Variants in KCND2 observed in about 807,000 individuals in gnomAD.
KCND2 encodes the protein A-type voltage-gated potassium channel KCND2.
KCND2 carries 16 observed loss-of-function variants against 54.4 expected under a neutral mutation model. The ratio of observed to expected loss-of-function variants is 0.29; its 90% CI spans 0.20 to 0.45. The LOEUF is 0.45. Among genes scored for constraint, KCND2 ranks in the 20% least tolerant of loss-of-function variants. KCND2 has a pLI of 1.00. For synonymous variants in KCND2, 317 were observed against 310.7 expected, an observed-to-expected ratio of 1.02 and a Z score of -0.21; for missense variants, 486 against 824.2, an observed-to-expected ratio of 0.59 and a Z score of 5.02.
intron 1 of KCND2, among the ~76,000 whole-genome samples, chr7:120,639,967 C>T (rs1793351261): frequency 1.3e-5 from 2 of 152,052 alleles, no homozygotes; most frequent in Admixed American, 1.3e-4. Context: ...GTTTCTATAA[C>T]TCTCATAAAT....
At chr7:120,319,695 A>G (rs1440052119) in intron 1 of KCND2, among the ~76,000 whole-genome samples, 5 of 152,156 alleles carry the variant, frequency 3.3e-5, no homozygotes, top group Admixed American at 3.3e-4. Flanking sequence ...AATATTGTTA[A>G]GATAATTAGA....
At chr7:120,673,154 G>A (rs1474687909) in intron 1 of KCND2, among the ~76,000 whole-genome samples, 1 of 152,016 alleles carries the variant, frequency 6.6e-6, no homozygotes, top group Non-Finnish European at 1.5e-5. Flanking sequence ...AACCAAACTT[G>A]CCAACACCTT....
At chr7:120,586,145 G>A (rs1441530153) in intron 1 of KCND2, among the ~76,000 whole-genome samples, 2 of 151,704 alleles carry the variant, frequency 1.3e-5, no homozygotes, top group East Asian at 3.9e-4. Context: ...AAAACACACA[G>A]TAGCTGTATA....
chr7:120,727,681 C>G (rs1034558866), intron 1 of KCND2, among the ~76,000 whole-genome samples: 1 of 152,160 alleles, frequency 6.6e-6, no homozygotes, highest in Admixed American at 6.5e-5. Context: ...AAAGGCACTT[C>G]CATGTTGTAC....
intron 1 of KCND2, among the ~76,000 whole-genome samples, chr7:120,519,963 T>C (rs1186329429): frequency 6.6e-6 from 1 of 152,072 alleles, no homozygotes; most frequent in East Asian, 1.9e-4. Flanking sequence ...TGAATATAAA[T>C]TACAAATTAT....
At chr7:120,277,789 G>A (rs907813842) in intron 1 of KCND2, among the ~76,000 whole-genome samples, 2 of 151,858 alleles carry the variant, frequency 1.3e-5, no homozygotes, top group African/African-American at 4.8e-5. Context: ...TTTTTATTAT[G>A]TAAATAAAAT....
At chr7:120,379,562 G>T (rs568267254) in intron 1 of KCND2, among the ~76,000 whole-genome samples, 1 of 152,078 alleles carries the variant, frequency 6.6e-6, no homozygotes, top group South Asian at 2.1e-4. Flanking sequence ...TTCTTAAAAC[G>T]TGTCATCCTC....
chr7:120,397,989 G>GTATATATA (rs1478344765), intron 1 of KCND2, among the ~76,000 whole-genome samples: 5 of 40,346 alleles, frequency 1.2e-4, no homozygotes, highest in Admixed American at 2.3e-4. Context: ...GTGTGTGTGT[G>GTATATATA]TGTGTGTATA....
Position 120,274,588 on chromosome 7 carries a change from A to G in KCND2, c.-45A>G. 1.2e-6 allele frequency: 2 copies of G among 1,613,564 alleles called. No individual in the cohort carries two copies. The highest frequency in any genetic ancestry group is 2.2e-5 in the East Asian group (1 of 44,856). ...TGACTTTTGGCTGCTTCGGTGACCC[A>G]TTGTAGACGCCTCGTTACCCTTCTT... On this transcript the variant is annotated 5_prime_UTR_variant, in exon 1 of 6. Transcript: ENST00000331113.
intron 1 of KCND2, among the ~76,000 whole-genome samples, chr7:120,695,298 C>T (rs1792320185): frequency 6.6e-6 from 1 of 151,536 alleles, no homozygotes. Flanking sequence ...CCTGACTTGC[C>T]CACTTTAATT....
chr7:120,322,418 T>C (rs1799904041), intron 1 of KCND2, among the ~76,000 whole-genome samples: 1 of 152,106 alleles, frequency 6.6e-6, no homozygotes. Flanking sequence ...CCTAACTCCC[T>C]TTCTTTGTCT....
intron 1 of KCND2, among the ~76,000 whole-genome samples, chr7:120,477,343 G>T (rs548202759): frequency 6.6e-6 from 1 of 152,260 alleles, no homozygotes; most frequent in South Asian, 2.1e-4. Flanking sequence ...TACCACTGCG[G>T]CACTGGATGT....
At chr7:120,398,472 C>T (rs1302817397) in intron 1 of KCND2, among the ~76,000 whole-genome samples, 1 of 151,244 alleles carries the variant, frequency 6.6e-6, no homozygotes, top group Non-Finnish European at 1.5e-5. Context: ...AAAACAGATT[C>T]ACTTCTATAA....
At chr7:120,551,662 G>A (rs1415992595) in intron 1 of KCND2, among the ~76,000 whole-genome samples, 1 of 152,130 alleles carries the variant, frequency 6.6e-6, no homozygotes, top group Non-Finnish European at 1.5e-5. Context: ...TCCTTAATAG[G>A]TAAACCATGA....
chr7:120,429,099 T>C (rs1370732509), intron 1 of KCND2, among the ~76,000 whole-genome samples: 3 of 152,170 alleles, frequency 2.0e-5, no homozygotes, highest in African/African-American at 7.2e-5. Flanking sequence ...TAGGTTTGTA[T>C]AGAAGAGCCA....
chr7:120,652,198 C>T (rs1341226158), intron 1 of KCND2, among the ~76,000 whole-genome samples: 6 of 152,064 alleles, frequency 3.9e-5, no homozygotes, highest in Non-Finnish European at 8.8e-5. Context: ...GCCTCAGCCT[C>T]CTGAGTAGCT....
chr7:120,736,574 G>A (rs1277171032), intron 2 of KCND2, among the ~76,000 whole-genome samples: 1 of 151,916 alleles, frequency 6.6e-6, no homozygotes, highest in Non-Finnish European at 1.5e-5. Context: ...CTAATCATCT[G>A]CATACTCACA....
chr7:120,342,375 A>C (rs983357924), intron 1 of KCND2, among the ~76,000 whole-genome samples: 12 of 152,200 alleles, frequency 7.9e-5, no homozygotes, highest in African/African-American at 2.9e-4. Flanking sequence ...GAGAGATTCA[A>C]ATATTGAATG....
intron 1 of KCND2, among the ~76,000 whole-genome samples, chr7:120,607,324 G>T (rs1413059226): frequency 6.6e-6 from 1 of 152,008 alleles, no homozygotes. Context: ...GGTTTTCAGA[G>T]GGCCTACTCT....
Sources: gnomAD v4.1 joint callset for allele counts (sites outside exome capture counted in the v4.1 genomes callset) on GRCh38, gnomAD v4.1.1 for gene constraint, MANE v1.5 for transcripts, NCBI Gene and HGNC (gene_info 2026-07-23, HGNC 2026-07-21) for gene names.